The following TPD52 variants were observed in gnomAD, a reference collection of about 807,000 sequenced individuals.
The protein encoded by TPD52 is tumor protein D52.
A neutral mutation model predicts 31.3 loss-of-function variants in TPD52; 17 were observed. The observed-to-expected ratio is 0.54, with a 90% CI of 0.37 to 0.82. TPD52 has a LOEUF of 0.82. Ranked by LOEUF, TPD52 falls within the 40% of genes least tolerant of loss-of-function variation. TPD52 has a pLI of 0.00. For synonymous variants in TPD52, 83 were observed against 89.6 expected (o/e 0.93, Z 0.42); for missense variants, 212 against 240.1 (o/e 0.88, Z 0.77).
At chr8:80,170,842 T>G (rs17461032) in intron 1 of TPD52, among the ~76,000 whole-genome samples, 44,615 of 152,032 alleles carry the variant, frequency 0.29, 7,072 homozygotes, top group East Asian at 0.61. Flanking sequence ...TCACCCTTCC[T>G]ACGAAAAGCT....
intron 1 of TPD52, among the ~76,000 whole-genome samples, chr8:80,123,412 A>C (rs902146671): frequency 6.6e-6 from 1 of 152,206 alleles, no homozygotes; most frequent in African/African-American, 2.4e-5. Flanking sequence ...CCGACCAAGA[A>C]AGAGAATGTA....
intron 1 of TPD52, among the ~76,000 whole-genome samples, chr8:80,154,467 T>C (rs1486368621): frequency 3.9e-5 from 6 of 152,230 alleles, no homozygotes; most frequent in Non-Finnish European, 4.4e-5. Flanking sequence ...ATTGACTCAC[T>C]GCTTACTTCC....
chr8:80,042,098 A>C, intron 7 of TPD52: 3 of 880,146 alleles, frequency 3.4e-6, no homozygotes, highest in Non-Finnish European at 4.1e-6. Flanking sequence ...CAAAAAAAAA[A>C]AAAGTAATAT....
intron 1 of TPD52, among the ~76,000 whole-genome samples, chr8:80,094,430 TTATATATATA>T (rs61266725): frequency 0.018 from 971 of 53,576 alleles, 21 homozygotes; most frequent in East Asian, 0.13. Flanking sequence ...AAAGAAAATT[TTATATATATA>T]TATATATATA....
chr8:80,053,771 C>A (rs763270681), intron 2 of TPD52, among the ~76,000 whole-genome samples: 48 of 152,154 alleles, frequency 3.2e-4, no homozygotes, highest in Admixed American at 5.9e-4. Context: ...CTAACATCCA[C>A]TCTCCCGACC....
At chr8:80,128,334 TTCTG>T (rs923235812) in intron 1 of TPD52, among the ~76,000 whole-genome samples, 1 of 151,988 alleles carries the variant, frequency 6.6e-6, no homozygotes, top group Non-Finnish European at 1.5e-5. Context: ...CATTCTATTT[TTCTG>T]TCTATCTTGA....
intron 2 of TPD52, among the ~76,000 whole-genome samples, chr8:80,059,531 A>G (rs1054313207): frequency 6.6e-6 from 1 of 152,184 alleles, no homozygotes; most frequent in African/African-American, 2.4e-5. Flanking sequence ...ATTCTTTAAA[A>G]AGATCAACAG....
chr8:80,069,564 G>A (rs1014411948), intron 1 of TPD52, among the ~76,000 whole-genome samples: 15 of 152,086 alleles, frequency 9.9e-5, no homozygotes, highest in Admixed American at 9.2e-4. Flanking sequence ...GCAGAGACAG[G>A]CAGATCACTT....
At chr8:80,130,534 C>T (rs781590700) in intron 1 of TPD52, among the ~76,000 whole-genome samples, 1 of 152,132 alleles carries the variant, frequency 6.6e-6, no homozygotes, top group Admixed American at 6.6e-5. Context: ...GTGCCCTCCA[C>T]CCAGAGCACT....
At chr8:80,124,680 T>G (rs867121851) in intron 1 of TPD52, among the ~76,000 whole-genome samples, 1 of 152,206 alleles carries the variant, frequency 6.6e-6, no homozygotes, top group Non-Finnish European at 1.5e-5. Flanking sequence ...TTCACTAGCA[T>G]AAAAATAACA....
chr8:80,150,603 C>G (rs1810506022), intron 1 of TPD52, among the ~76,000 whole-genome samples: 1 of 152,320 alleles, frequency 6.6e-6, no homozygotes, highest in African/African-American at 2.4e-5. Flanking sequence ...CCATGGGAAC[C>G]CACCTCTTGC....
At chr8:80,102,163 G>A (rs1480494447) in intron 1 of TPD52, among the ~76,000 whole-genome samples, 1 of 152,220 alleles carries the variant, frequency 6.6e-6, no homozygotes, top group Non-Finnish European at 1.5e-5. Context: ...GGTCAGGCAT[G>A]AGGGAGCAGC....
At chr8:80,095,825 G>A (rs961706514) in intron 1 of TPD52, among the ~76,000 whole-genome samples, 14 of 152,276 alleles carry the variant, frequency 9.2e-5, no homozygotes, top group South Asian at 8.3e-4. Flanking sequence ...GCATGCGCCC[G>A]TGGTCCCAGC....
At chr8:80,136,996 T>C in intron 1 of TPD52, among the ~76,000 whole-genome samples, 1 of 152,202 alleles carries the variant, frequency 6.6e-6, no homozygotes, top group East Asian at 1.9e-4. Flanking sequence ...TCTTAACAAG[T>C]ATGGCTCAAA....
intron 1 of TPD52, among the ~76,000 whole-genome samples, chr8:80,107,140 C>G (rs1004365323): frequency 1.3e-5 from 2 of 152,130 alleles, no homozygotes; most frequent in Non-Finnish European, 2.9e-5. Flanking sequence ...CGTGAGCCAC[C>G]ATGCCCGGCC....
At chr8:80,112,486 C>A (rs1807562198) in intron 1 of TPD52, among the ~76,000 whole-genome samples, 1 of 152,068 alleles carries the variant, frequency 6.6e-6, no homozygotes. Flanking sequence ...CTAGTACCCC[C>A]AAGTGATTCT....
chr8:80,148,316 A>ACGTGTGTGTG (rs1810340220), intron 1 of TPD52, among the ~76,000 whole-genome samples: 1 of 62,446 alleles, frequency 1.6e-5, no homozygotes, highest in Non-Finnish European at 2.7e-5. Context: ...ATTCCTGGCT[A>ACGTGTGTGTG]AGTGTGTGTG....
At chr8:80,072,101 G>A (rs917704500) in intron 1 of TPD52, among the ~76,000 whole-genome samples, 14 of 152,180 alleles carry the variant, frequency 9.2e-5, no homozygotes, top group Non-Finnish European at 1.5e-4. Context: ...AAGAGGTCAA[G>A]AGATCGAGAC....
chr8:80,049,590 A>G (rs1439956059), intron 5 of TPD52, among the ~76,000 whole-genome samples: 1 of 152,138 alleles, frequency 6.6e-6, no homozygotes, highest in Non-Finnish European at 1.5e-5. Context: ...TAAGAAAATA[A>G]TCTGCATCCA....
Sources: allele counts gnomAD v4.1 joint callset (sites outside exome capture counted in the v4.1 genomes callset), GRCh38; gene constraint gnomAD v4.1.1; transcripts MANE v1.5; gene names NCBI Gene and HGNC (gene_info 2026-07-23, HGNC 2026-07-21).